IRAG2: variants seen among roughly 807,000 people sequenced by gnomAD.
IRAG2 encodes the protein inositol 1,4,5-triphosphate receptor associated 2.
IRAG2 carries 45 observed loss-of-function variants against 69.9 expected under a neutral mutation model. The ratio of observed to expected loss-of-function variants is 0.64; its 90% confidence interval spans 0.51 to 0.83. The LOEUF (loss-of-function observed/expected upper bound fraction) is 0.83. Ranked by LOEUF, IRAG2 falls within the 40% of genes least tolerant of loss-of-function variation. The pLI is 0.00. For synonymous variants in IRAG2, 193 were observed against 202.4 expected (o/e 0.95, Z 0.40); for missense variants, 520 against 587.0 (o/e 0.89, Z 1.18).
intron 4 of IRAG2, 80 bp downstream of exon 4, chr12:25,063,896 A>G: frequency 2.5e-6 from 1 of 398,580 alleles, no homozygotes; most frequent in Non-Finnish European, 4.4e-6. Flanking sequence ...AGTTATTATT[A>G]CATTTGTATA....
chr12:25,011,584 G>A, intron 3 of IRAG2: 1 of 1,188,782 alleles, frequency 8.4e-7, no homozygotes, highest in Non-Finnish European at 1.1e-6. Context: ...GCAGTTTAAG[G>A]TTCTATTTTA....
chr12:25,075,017 T>C (rs114579940), intron 6 of IRAG2, among the ~76,000 whole-genome samples: 2,643 of 152,262 alleles, frequency 0.017, 83 homozygotes, highest in African/African-American at 0.061. Flanking sequence ...CATGTAGAAG[T>C]TGACTGATAA....
At chr12:25,064,798 A>G (rs1007542247) in intron 4 of IRAG2, among the ~76,000 whole-genome samples, 1 of 152,132 alleles carries the variant, frequency 6.6e-6, no homozygotes, top group Non-Finnish European at 1.5e-5. Flanking sequence ...GTACTTAAAC[A>G]GTGCTTGCTG....
intron 14 of IRAG2, among the ~76,000 whole-genome samples, chr12:25,095,624 C>G (rs1456814855): frequency 6.6e-6 from 1 of 151,746 alleles, no homozygotes; most frequent in Non-Finnish European, 1.5e-5. Flanking sequence ...ATGTCTTTTT[C>G]TGGCTTTGGC....
chr12:25,013,877 T>TC (rs1260563079), intron 3 of IRAG2, among the ~76,000 whole-genome samples: 2 of 125,952 alleles, frequency 1.6e-5, no homozygotes, highest in Non-Finnish European at 3.4e-5. Flanking sequence ...TTTTTTTTTT[T>TC]TTTTTTTTTT....
chr12:25,017,012 TA>T, intron 5 of IRAG2: 1 of 608,980 alleles, frequency 1.6e-6, no homozygotes, highest in Non-Finnish European at 2.4e-6. Context: ...CAGATGAGGG[TA>T]AAGTTAAAAA....
chr12:25,027,142 C>T (rs1944628556), intron 9 of IRAG2, among the ~76,000 whole-genome samples: 1 of 151,766 alleles, frequency 6.6e-6, no homozygotes, highest in African/African-American at 2.4e-5. Flanking sequence ...AGTTGTACAA[C>T]CATCTCCAAA....
chr12:25,087,180 T>TTTTTTTTTTTTTTTTTTTTTGTTG (rs1450270058), intron 10 of IRAG2, among the ~76,000 whole-genome samples: 1 of 125,170 alleles, frequency 8.0e-6, no homozygotes, highest in African/African-American at 3.1e-5. Flanking sequence ...TTTTTTTTTT[T>TTTTTTTTTTTTTTTTTTTTTGTTG]TTGTTGAGAC....
chr12:25,021,618 T>G (rs1944581758), intron 7 of IRAG2, among the ~76,000 whole-genome samples: 1 of 152,114 alleles, frequency 6.6e-6, no homozygotes, highest in African/African-American at 2.4e-5. Context: ...AAGGTTCAAC[T>G]GTTGTATAAA....
In IRAG2 at chr12:25,101,174, C is replaced by T. The variant is rs1948732368; in HGVS notation, c.742-4C>T. Reference sequence around the variant, plus strand: ...GTAAATGTGCTCGTTTTTTCTCTTGCTAGGAAAGCCGGGTTAGTAAAGCAG... The same window carrying T: ...GTAAATGTGCTCGTTTTTTCTCTTGTTAGGAAAGCCGGGTTAGTAAAGCAG... On this transcript the variant is annotated splice_region_variant and splice_polypyrimidine_tract_variant and intron_variant, in intron 15 of 21. Transcript: ENST00000556887. 1.3e-6 allele frequency: 2 copies of T among 1,587,402 alleles called. No homozygotes were observed. The highest frequency in any genetic ancestry group is 2.7e-5 in the African/African-American group (2 of 73,702).
intron 12 of IRAG2, among the ~76,000 whole-genome samples, chr12:25,033,356 T>C (rs1944682761): frequency 6.6e-6 from 1 of 152,140 alleles, no homozygotes; most frequent in African/African-American, 2.4e-5. Flanking sequence ...GTGAGTAATA[T>C]GCTAGTCCAG....
At chr12:25,009,541 G>C in intron 2 of IRAG2, among the ~76,000 whole-genome samples, 1 of 152,288 alleles carries the variant, frequency 6.6e-6, no homozygotes, top group East Asian at 1.9e-4. Flanking sequence ...GGTGGGAAGA[G>C]ATATTTATAT....
intron 9 of IRAG2, among the ~76,000 whole-genome samples, chr12:25,081,367 G>A (rs1422564783): frequency 1.3e-5 from 2 of 152,214 alleles, no homozygotes; most frequent in Admixed American, 6.5e-5. Flanking sequence ...GGGAGGCTGA[G>A]GCAGGAGAAT....
chr12:25,061,109 G>A (rs190789569), intron 1 of IRAG2, among the ~76,000 whole-genome samples: 5 of 152,208 alleles, frequency 3.3e-5, no homozygotes, highest in Admixed American at 2.6e-4. Context: ...CATTTTTCCC[G>A]AGTCATAAGT....
At chr12:25,011,472 G>A in exon 3 of IRAG2, 1 of 1,231,664 alleles carries the variant, frequency 8.1e-7, no homozygotes, top group African/African-American at 1.5e-5. Flanking sequence ...GCTTGATCCT[G>A]AGAAGAGAGA....
intron 6 of IRAG2, among the ~76,000 whole-genome samples, chr12:25,019,644 G>T (rs572354656): frequency 6.6e-6 from 1 of 152,276 alleles, no homozygotes; most frequent in South Asian, 2.1e-4. Flanking sequence ...TACAGGATAG[G>T]GGGCATGGTG....
chr12:25,027,607 G>A (rs1208340195), intron 9 of IRAG2, among the ~76,000 whole-genome samples: 1 of 151,986 alleles, frequency 6.6e-6, no homozygotes, highest in African/African-American at 2.4e-5. Flanking sequence ...TGTTAGCCAG[G>A]ATGGTCTCAA....
Position 25,107,002 on chromosome 12 carries a change from GTCTT to G in IRAG2, c.1212_1215del (p.Ser405LysfsTer18), listed in dbSNP as rs1164535214. On this transcript the variant is annotated frameshift_variant, in exon 21 of 22. Transcript: ENST00000556887. LOFTEE classifies it low-confidence loss of function (END_TRUNC). ...ACAGTAGAAAGGACAAGGAAGCCAA[GTCTT>G]TCTGAAAAGAAAAATAATCCATCAA... 1 of 1,608,384 alleles carries G rather than the reference GTCTT, an allele frequency of 6.2e-7. No homozygotes were observed. Among genetic ancestry groups the G allele is most frequent in the Non-Finnish European group, 8.5e-7 (1 of 1,176,768 alleles).
chr12:25,012,965 T>C (rs981156759), intron 3 of IRAG2, among the ~76,000 whole-genome samples: 2 of 152,150 alleles, frequency 1.3e-5, no homozygotes, highest in Non-Finnish European at 2.9e-5. Flanking sequence ...AAGATAAATA[T>C]ATAGAAATAA....
Sources: gnomAD v4.1 joint callset for allele counts (sites outside exome capture counted in the v4.1 genomes callset) on GRCh38, gnomAD v4.1.1 for gene constraint, MANE v1.5 for transcripts, NCBI Gene and HGNC (gene_info 2026-07-23, HGNC 2026-07-21) for gene names.